The following MLIP variants were observed in gnomAD, a reference collection of about 807,000 sequenced individuals.
MLIP encodes the protein muscular LMNA-interacting protein.
In MLIP, 79 loss-of-function variants were observed where a neutral mutation model predicts 84.8. The observed-to-expected ratio is 0.93, with a 90% CI of 0.78 to 1.12. The LOEUF is 1.12. Ranked by LOEUF, MLIP falls within the 50% of genes most tolerant of loss-of-function variation. The probability of loss-of-function intolerance (pLI) is 0.00; values close to 1 mark genes in which losing one functional copy is unlikely to be tolerated. For missense variants in MLIP, 1,257 were observed against 1,160.6 expected (o/e 1.08, Z -1.21); for synonymous variants, 504 against 463.0 (o/e 1.09, Z -1.14).
intron 12 of MLIP, among the ~76,000 whole-genome samples, chr6:54,233,988 A>T (rs1188192059): frequency 1.6e-4 from 24 of 152,148 alleles, no homozygotes; most frequent in Non-Finnish European, 5.9e-5. Context: ...GGCTGCATAA[A>T]TGTCTTCTTT....
intron 2 of MLIP, among the ~76,000 whole-genome samples, chr6:54,124,249 T>G (rs113711533): frequency 6.6e-6 from 1 of 152,186 alleles, no homozygotes; most frequent in Non-Finnish European, 1.5e-5. Flanking sequence ...CCTGTTGATG[T>G]TGATTACTAT....
At chr6:54,190,116 C>T (rs932071481) in intron 10 of MLIP, among the ~76,000 whole-genome samples, 2 of 152,094 alleles carry the variant, frequency 1.3e-5, no homozygotes, top group African/African-American at 2.4e-5. Context: ...TATACATAGA[C>T]CTTACTTGCT....
At chr6:54,095,543 C>T (rs540486783) in intron 1 of MLIP, among the ~76,000 whole-genome samples, 5 of 152,150 alleles carry the variant, frequency 3.3e-5, no homozygotes, top group Admixed American at 2.6e-4. Context: ...CCCTTTCTGA[C>T]TCCTGCTGTA....
intron 12 of MLIP, among the ~76,000 whole-genome samples, chr6:54,246,646 A>G (rs939743039): frequency 6.6e-6 from 1 of 152,066 alleles, no homozygotes; most frequent in Non-Finnish European, 1.5e-5. Context: ...CACATTTTTC[A>G]TAACTTATCT....
chr6:54,214,040 C>T (rs1389723457), intron 11 of MLIP, among the ~76,000 whole-genome samples: 3 of 152,122 alleles, frequency 2.0e-5, no homozygotes, highest in African/African-American at 4.8e-5. Context: ...CAGTAAGTCA[C>T]AAATCCACAG....
chr6:54,025,463 C>A (rs9474703), intron 1 of MLIP, among the ~76,000 whole-genome samples: 1 of 152,060 alleles, frequency 6.6e-6, no homozygotes, highest in Non-Finnish European at 1.5e-5. Flanking sequence ...ATCTTTATAC[C>A]ACAATTGGTT....
intron 9 of MLIP, among the ~76,000 whole-genome samples, chr6:54,179,879 A>G (rs1776675559): frequency 1.3e-5 from 2 of 152,154 alleles, no homozygotes; most frequent in African/African-American, 4.8e-5. Flanking sequence ...CTGTGTGCCT[A>G]CTATTACCAG....
intron 1 of MLIP, among the ~76,000 whole-genome samples, chr6:54,054,191 C>T (rs1029761450): frequency 6.6e-6 from 1 of 152,162 alleles, no homozygotes; most frequent in Non-Finnish European, 1.5e-5. Context: ...TATCAGCGCT[C>T]TCACAAGAAT....
chr6:54,261,452 A>G lies in MLIP; in HGVS notation c.2976+4091A>G, dbSNP rs1284269636. Among the ~76,000 whole-genome samples the G allele has an allele frequency of 2.0e-5, 3 of 152,058 alleles. No homozygotes were observed. The South Asian group carries it at 6.2e-4, about 31-fold the overall frequency. On this transcript the variant is annotated intron_variant, in intron 13 of 13. Transcript: ENST00000502396. ...AACACAACTTGAGAGCTAATCGTTC[A>G]CTAGCTGCCCATAAAACACATGCTA...
rs151219846 is a variant in MLIP at position 54,116,133 on chromosome 6, C to T, written c.96+4558C>T. On this transcript the variant is annotated intron_variant, in intron 1 of 13. Coordinates refer to ENST00000502396, the MANE Select transcript of MLIP (RefSeq NM_001281747.2). ...CACTGACATGAACTGGGTTAAAAGG[C>T]GTGCTCATAAGGTCATAAGGTCTGA... Among the ~76,000 whole-genome samples the T allele has an allele frequency of 8.7e-4, 133 of 152,076 alleles. 1 individual carries two copies. Among genetic ancestry groups the T allele is most frequent in the South Asian group, 5.2e-3 (25 of 4,814 alleles).
rs183748126 is a variant in MLIP, at chr6:54,069,603, A to G, written c.63+50512A>G. ...CTCTAGATTACTTATAATACCTAAT[A>G]CAATGTAAGTGTTATATAAAGAGTT... On this transcript the variant is annotated intron_variant, in intron 1 of 12. Coordinates refer to the MLIP transcript ENST00000274897. 1.3e-3 allele frequency among the ~76,000 whole-genome samples: 134 copies of G among 99,686 alleles called. 18 individuals are homozygous for G. The Middle Eastern group carries it at 0.028, about 21-fold the overall frequency. The allele number at this position is 99,686 out of a possible 152,430, so 65.4% of individuals were successfully genotyped here. A position where few individuals can be genotyped will look rare whatever the true frequency, so the allele number is the denominator to read the frequency against.
intron 12 of MLIP, among the ~76,000 whole-genome samples, chr6:54,247,733 C>G (rs140933316): frequency 1.3e-5 from 2 of 152,182 alleles, no homozygotes; most frequent in Admixed American, 1.3e-4. Flanking sequence ...GACATACAGT[C>G]CTTAGCTCAT....
chr6:54,197,703 A>G (rs1238552572), intron 10 of MLIP, among the ~76,000 whole-genome samples: 3 of 152,126 alleles, frequency 2.0e-5, no homozygotes, highest in Admixed American at 6.6e-5. Flanking sequence ...GCACCTATCA[A>G]TCATGAGTCT....
chr6:54,249,781 G>C (rs1782341278), intron 12 of MLIP, among the ~76,000 whole-genome samples: 1 of 151,646 alleles, frequency 6.6e-6, no homozygotes, highest in African/African-American at 2.4e-5. Context: ...GTATACACGT[G>C]TGTGTATATA....
upstream of MLIP, among the ~76,000 whole-genome samples, chr6:54,108,095 A>G (rs1769150695): frequency 2.0e-5 from 3 of 152,282 alleles, no homozygotes; most frequent in South Asian, 6.2e-4. Flanking sequence ...AATAAGGGTG[A>G]CGGATGCCTG....
chr6:54,233,828 T>C (rs1408184739), intron 12 of MLIP, among the ~76,000 whole-genome samples: 4 of 152,202 alleles, frequency 2.6e-5, no homozygotes, highest in African/African-American at 9.6e-5. Flanking sequence ...GTAAAAGATT[T>C]CTTCTCTCTC....
intron 3 of MLIP, among the ~76,000 whole-genome samples, chr6:54,134,544 CAAT>C: frequency 6.6e-6 from 1 of 151,734 alleles, no homozygotes. Context: ...CCTTAAAAAT[CAAT>C]GTTTTAAATA....
At chr6:54,154,424 A>G (rs567885868) in intron 5 of MLIP, among the ~76,000 whole-genome samples, 7 of 152,310 alleles carry the variant, frequency 4.6e-5, no homozygotes, top group East Asian at 3.9e-4. Context: ...AGATTAGACA[A>G]TACAATCACA....
At chr6:54,062,916 A>G (rs1221787758) in intron 1 of MLIP, among the ~76,000 whole-genome samples, 2 of 152,146 alleles carry the variant, frequency 1.3e-5, no homozygotes. Context: ...ATATGGGTCA[A>G]ATTGGGCTGC....
Sources: gnomAD v4.1 joint callset for allele counts (sites outside exome capture counted in the v4.1 genomes callset) on GRCh38, gnomAD v4.1.1 for gene constraint, MANE v1.5 for transcripts, NCBI Gene and HGNC (gene_info 2026-07-23, HGNC 2026-07-21) for gene names.